The following CSNK2A2 variants were observed in gnomAD, a reference collection of about 807,000 sequenced individuals.
CSNK2A2 encodes casein kinase II subunit alpha'.
CSNK2A2 carries 8 observed loss-of-function variants against 54.0 expected under a neutral mutation model. That is an observed-to-expected ratio of 0.15 (90% CI 0.09 to 0.27). The LOEUF is 0.27. Among genes scored for constraint, CSNK2A2 ranks in the 10% least tolerant of loss-of-function variants. The pLI is 1.00. For missense variants in CSNK2A2, 242 were observed against 439.4 expected (o/e 0.55, Z 4.02); for synonymous variants, 141 against 153.9 (o/e 0.92, Z 0.62).
intron 2 of CSNK2A2, among the ~76,000 whole-genome samples, chr16:58,188,652 C>T (rs1182994938): frequency 6.6e-6 from 1 of 152,142 alleles, no homozygotes; most frequent in Non-Finnish European, 1.5e-5. Context: ...CAATGGTTAC[C>T]TTCTAATTTT....
intron 2 of CSNK2A2, among the ~76,000 whole-genome samples, chr16:58,195,378 T>G (rs1180775193): frequency 6.6e-6 from 1 of 152,232 alleles, no homozygotes; most frequent in East Asian, 1.9e-4. Flanking sequence ...GTGATGGAGT[T>G]AATCATTTTT....
intron 4 of CSNK2A2, among the ~76,000 whole-genome samples, chr16:58,175,590 A>G (rs1432675194): frequency 6.6e-6 from 1 of 152,220 alleles, no homozygotes; most frequent in Non-Finnish European, 1.5e-5. Context: ...ATATATGTGT[A>G]AAGGAATAGG....
intron 5 of CSNK2A2, among the ~76,000 whole-genome samples, chr16:58,169,527 G>A (rs1308108431): frequency 6.6e-6 from 1 of 151,374 alleles, no homozygotes; most frequent in Non-Finnish European, 1.5e-5. Context: ...CGGGCAGTGG[G>A]GAGGGGGGTG....
chr16:58,180,460 T>C (rs1033293471), intron 4 of CSNK2A2, among the ~76,000 whole-genome samples: 2 of 151,788 alleles, frequency 1.3e-5, no homozygotes, highest in Admixed American at 1.3e-4. Flanking sequence ...GAATAAAATA[T>C]ATATTATCCA....
intron 3 of CSNK2A2, among the ~76,000 whole-genome samples, chr16:58,185,109 TA>T (rs1962155433): frequency 6.6e-6 from 1 of 151,806 alleles, no homozygotes; most frequent in South Asian, 2.1e-4. Flanking sequence ...TTGGCAGTAA[TA>T]AGCTTTCAAA....
intron 5 of CSNK2A2, among the ~76,000 whole-genome samples, chr16:58,169,469 G>A (rs577079007): frequency 2.0e-5 from 3 of 152,188 alleles, no homozygotes; most frequent in South Asian, 4.1e-4. Flanking sequence ...GGTGGAGGCT[G>A]CAGTGAGCTG....
At chr16:58,179,902 A>AC (rs1961984967) in intron 4 of CSNK2A2, among the ~76,000 whole-genome samples, 1 of 151,818 alleles carries the variant, frequency 6.6e-6, no homozygotes, top group African/African-American at 2.4e-5. Flanking sequence ...ACATGGTGAA[A>AC]CCCCGTCTGT....
intron 2 of CSNK2A2, among the ~76,000 whole-genome samples, chr16:58,195,137 T>C (rs1962402880): frequency 6.6e-6 from 1 of 151,436 alleles, no homozygotes; most frequent in Admixed American, 6.6e-5. Flanking sequence ...CTTATGTACA[T>C]AAAGCTAATG....
intron 10 of CSNK2A2, among the ~76,000 whole-genome samples, chr16:58,164,899 GT>G (rs1197083654): frequency 6.6e-6 from 1 of 152,188 alleles, no homozygotes; most frequent in Non-Finnish European, 1.5e-5. Flanking sequence ...ACTTTAAGGG[GT>G]GAACGTTTCC....
intron 2 of CSNK2A2, chr16:58,192,963 T>C (rs747761960): frequency 2.0e-4 from 31 of 152,260 alleles, no homozygotes; most frequent in Non-Finnish European, 3.5e-4. Context: ...ACAGGTTAAC[T>C]ACACTCTTAA....
chr16:58,183,835 G>A (rs547205877), intron 4 of CSNK2A2, among the ~76,000 whole-genome samples: 78 of 152,180 alleles, frequency 5.1e-4, no homozygotes, highest in African/African-American at 1.8e-3. Flanking sequence ...TGTACGTCAC[G>A]TGCGCAAACA....
chr16:58,161,532 CACACAGACACACACACAG>C (rs1961364034), intron 11 of CSNK2A2: 1 of 140,700 alleles, frequency 7.1e-6, no homozygotes, highest in Non-Finnish European at 1.5e-5. Context: ...CACAGACACA[CACACAGACACACACACAG>C]ACACACACAC....
chr16:58,183,986 T>A (rs1962129970), intron 4 of CSNK2A2, among the ~76,000 whole-genome samples: 1 of 152,198 alleles, frequency 6.6e-6, no homozygotes, highest in Non-Finnish European at 1.5e-5. Flanking sequence ...CTATGCTGTC[T>A]AAAACAGGAG....
intron 4 of CSNK2A2, among the ~76,000 whole-genome samples, chr16:58,175,150 C>G (rs1961843938): frequency 6.6e-6 from 1 of 152,158 alleles, no homozygotes; most frequent in African/African-American, 2.4e-5. Flanking sequence ...ACAGGGGTAT[C>G]AAAAATGATC....
rs769880764 is a variant in CSNK2A2 at position 58,174,486 on chromosome 16, A to G, written c.394T>C (p.Phe132Leu). Residue 132 changes from phenylalanine (F) to leucine (L), a missense_variant, in exon 5 of 12, where the codon TTT becomes CTT. By Grantham distance (22) the Phe-to-Leu change is conservative. Transcript: ENST00000262506. Reference protein sequence around the residue: ...FKQLYQILTDFDIRFYMYELL... With the variant: ...FKQLYQILTDLDIRFYMYELL... ...TCATACATATAAAACCGGATATCAA[A>G]GTCTGTCAGGATCTGGTAGAGTTGC... 1 of 1,612,942 alleles carries G rather than the reference A, an allele frequency of 6.2e-7. No individual in the cohort carries two copies. The highest frequency in any genetic ancestry group is 1.1e-5 in the South Asian group (1 of 90,752).
At chr16:58,186,427 A>G (rs1314561286) in intron 3 of CSNK2A2, among the ~76,000 whole-genome samples, 1 of 152,244 alleles carries the variant, frequency 6.6e-6, no homozygotes, top group Non-Finnish European at 1.5e-5. Flanking sequence ...GTAGAGTAAC[A>G]CAAATTGGCA....
At chr16:58,164,559 C>A (rs1961506264) in intron 10 of CSNK2A2, among the ~76,000 whole-genome samples, 1 of 152,074 alleles carries the variant, frequency 6.6e-6, no homozygotes, top group South Asian at 2.1e-4. Context: ...TTTTAAGCAA[C>A]CGTAGTTTGA....
Position 58,173,637 on chromosome 16 carries a change from C to T in CSNK2A2, c.429+814G>A, listed in dbSNP as rs146589243. Among the ~76,000 whole-genome samples, 89 of 152,264 alleles carry T rather than the reference C, an allele frequency of 5.8e-4. 1 individual carries two copies. Among genetic ancestry groups the T allele is most frequent in the Middle Eastern group, 3.4e-3 (1 of 294 alleles). ...TACCCATCACTTTTCCCTGCATTAA[C>T]GAGCCACGGCTACAGGGGTAGGTTA... On this transcript the variant is annotated intron_variant, in intron 5 of 11. Coordinates refer to ENST00000262506, the MANE Select transcript of CSNK2A2 (RefSeq NM_001896.4).
intron 5 of CSNK2A2, among the ~76,000 whole-genome samples, chr16:58,168,930 CTT>C (rs879339390): frequency 9.1e-5 from 13 of 142,484 alleles, no homozygotes; most frequent in Non-Finnish European, 1.1e-4. Flanking sequence ...AGGAAGATTT[CTT>C]TTTTTTTTTT....
Sources: gnomAD v4.1 joint callset for allele counts (sites outside exome capture counted in the v4.1 genomes callset) on GRCh38, gnomAD v4.1.1 for gene constraint, MANE v1.5 for transcripts, NCBI Gene and HGNC (gene_info 2026-07-23, HGNC 2026-07-21) for gene names.